The following MANSC1 variants were observed in gnomAD, a reference collection of about 807,000 sequenced individuals.
MANSC1 encodes the protein MANSC domain containing 1.
In MANSC1, 13 loss-of-function variants were observed where a neutral mutation model predicts 14.1. That is an observed-to-expected ratio of 0.92 (90% CI 0.60 to 1.46). The LOEUF (loss-of-function observed/expected upper bound fraction) is 1.46. Among genes scored for constraint, MANSC1 ranks in the 40% most tolerant of loss-of-function variants. MANSC1 has a pLI of 0.00. For synonymous variants in MANSC1, 227 were observed against 200.7 expected, an observed-to-expected ratio of 1.13 and a Z score of -1.11; for missense variants, 486 against 511.4, an observed-to-expected ratio of 0.95 and a Z score of 0.48.
intron 1 of MANSC1, among the ~76,000 whole-genome samples, chr12:12,347,057 G>A (rs1863018330): frequency 6.6e-6 from 1 of 152,132 alleles, no homozygotes; most frequent in South Asian, 2.1e-4. Context: ...CAGTTTCATG[G>A]AAGACAATTT....
rs1862768444 is a variant in MANSC1 at position 12,330,410 on chromosome 12, T to C, written c.913A>G (p.Thr305Ala). 1 of 1,614,102 alleles carries C rather than the reference T, an allele frequency of 6.2e-7. No homozygotes were observed. The highest frequency in any genetic ancestry group is 8.5e-7 in the Non-Finnish European group (1 of 1,180,044). Reference sequence around the variant, plus strand: ...GAGTCCGTAGGTGCCTGAAAGGTGGTAGTCAGAACTGCTGTTGTAGCCATT... The same window carrying C: ...GAGTCCGTAGGTGCCTGAAAGGTGGCAGTCAGAACTGCTGTTGTAGCCATT... ...QAMATTAVLT[T>A]TFQAPTDSKG... is the part of the protein sequence containing the mutation. Residue 305 changes from threonine (T) to alanine (A), a missense_variant, in exon 4 of 4, where the codon ACC becomes GCC. Coordinates refer to ENST00000535902, the MANE Select transcript of MANSC1 (RefSeq NM_018050.4).
intron 1 of MANSC1, among the ~76,000 whole-genome samples, chr12:12,344,967 A>ATT (rs1862991208): frequency 9.8e-6 from 1 of 102,022 alleles, no homozygotes; most frequent in Non-Finnish European, 2.0e-5. Context: ...ATATATATAT[A>ATT]TTACACTAGT....
At chr12:12,343,057 A>G (rs1862958279) in intron 2 of MANSC1, 35 bp downstream of exon 2, 2 of 1,491,508 alleles carry the variant, frequency 1.3e-6, no homozygotes, top group Non-Finnish European at 1.9e-6. Flanking sequence ...CACAAAACAC[A>G]TGGAACAAAG....
intron 1 of MANSC1, among the ~76,000 whole-genome samples, chr12:12,345,268 C>T (rs1056584681): frequency 6.9e-6 from 1 of 145,588 alleles, no homozygotes; most frequent in Non-Finnish European, 1.5e-5. Context: ...TGCAGCAAGC[C>T]ACGATTGCAC....
chr12:12,332,998 T>C (rs185134252), intron 3 of MANSC1, among the ~76,000 whole-genome samples: 59 of 152,154 alleles, frequency 3.9e-4, no homozygotes, highest in African/African-American at 1.3e-3. Flanking sequence ...TAGGATATAG[T>C]ATTCTACTCT....
rs1395941599 is a variant in MANSC1 at position 12,330,090 on chromosome 12, T to A, written c.1233A>T (p.Ser411=). 1 of 1,613,958 alleles carries A rather than the reference T, an allele frequency of 6.2e-7. No individual in the cohort carries two copies. The highest frequency in any genetic ancestry group is 1.7e-5 in the Admixed American group (1 of 59,996). The change falls in exon 4 of 4, where the codon TCA becomes TCT. Residue 411 remains serine, a synonymous_variant. Coordinates refer to ENST00000535902, the MANE Select transcript of MANSC1 (RefSeq NM_018050.4). Reference sequence around the variant, plus strand: ...GTCTTGAGTAACGTTTCCTGCGGAGTGATTCCGAGAGGATTCTACCCAGGA... The same window carrying A: ...GTCTTGAGTAACGTTTCCTGCGGAGAGATTCCGAGAGGATTCTACCCAGGA... ...LVLLGRILSE[S]LRRKRYSRLD...
At chr12:12,331,105 G>T (rs1295802144) in intron 3 of MANSC1, 147 bp from the exon 4 acceptor site, 32 of 591,332 alleles carry the variant, frequency 5.4e-5, no homozygotes, top group Non-Finnish European at 7.6e-5. Context: ...ACTTTGGGAG[G>T]CTAAGGCAGG....
rs1044325893 is a variant in MANSC1 at position 12,328,947 on chromosome 12, C to A, written c.*1080G>T. ...AGCTGGCAGTGAGCCGAGATCGCGC[C>A]ACTGCACTCTAGCCTGGGTGACAGA... is the stretch of plus-strand genomic sequence containing the variant. On this transcript the variant is annotated 3_prime_UTR_variant, in exon 4 of 4. Transcript: ENST00000535902. 1 of 151,500 alleles carries A rather than the reference C, an allele frequency of 6.6e-6. No individual in the cohort carries two copies. The highest frequency in any genetic ancestry group is 1.5e-5 in the Non-Finnish European group (1 of 68,836). The allele number at this position is 151,500 out of a possible 1,614,324, so 9.4% of individuals were successfully genotyped here.
At chr12:12,349,583 TTTAACGTCTGCA>T (rs1414100354) in intron 1 of MANSC1, among the ~76,000 whole-genome samples, 1 of 152,142 alleles carries the variant, frequency 6.6e-6, no homozygotes, top group Non-Finnish European at 1.5e-5. Context: ...GCCCCTGAGT[TTTAACGTCTGCA>T]TACAAGAGTC....
intron 2 of MANSC1, chr12:12,339,209 C>G (rs1466958411): frequency 6.3e-6 from 1 of 158,712 alleles, no homozygotes; most frequent in Non-Finnish European, 1.4e-5. Context: ...CTCTGCTGGC[C>G]CCTGCCCACA....
At chr12:12,339,132 G>A in intron 2 of MANSC1, 1 of 165,484 alleles carries the variant, frequency 6.0e-6, no homozygotes, top group Non-Finnish European at 1.3e-5. Flanking sequence ...CTGTGAAGAG[G>A]CTCTCTGACA....
Position 12,330,971 on chromosome 12 carries a change from G to A in MANSC1, c.365-13C>T, listed in dbSNP as rs770844905. 6.6e-7 allele frequency: 1 copy of A among 1,519,110 alleles called. No individual in the cohort carries two copies. The highest frequency in any genetic ancestry group is 8.9e-7 in the Non-Finnish European group (1 of 1,119,304). 94.1% of individuals were successfully genotyped at this position (1,519,110 alleles called of 1,614,324 possible). On this transcript the variant is annotated splice_polypyrimidine_tract_variant and intron_variant, in intron 3 of 3. Coordinates refer to ENST00000535902, the MANE Select transcript of MANSC1 (RefSeq NM_018050.4). ...AAAGATGGAAAATCTGAAAATGTAT[G>A]GAAAATAAAAGGAAGGCTTATGTAA...
intron 2 of MANSC1, chr12:12,339,177 G>C (rs1862901802): frequency 6.1e-6 from 1 of 163,890 alleles, no homozygotes; most frequent in Non-Finnish European, 1.3e-5. Context: ...GAGCAGGCCT[G>C]ATGGAGAGAA....
chr12:12,333,187 CA>C (rs762963238), intron 3 of MANSC1, among the ~76,000 whole-genome samples: 1 of 152,088 alleles, frequency 6.6e-6, no homozygotes, highest in South Asian at 2.1e-4. Context: ...GCTGGGGCCA[CA>C]ATGCCATGCC....
intron 1 of MANSC1, 125 bp downstream of exon 1, chr12:12,349,953 T>C (rs2136001273): frequency 6.6e-6 from 1 of 152,210 alleles, no homozygotes; most frequent in Non-Finnish European, 1.5e-5. Context: ...CCCCAGCTGG[T>C]CCTTTGGATG....
chr12:12,346,213 GCAA>G (rs1863008230), intron 1 of MANSC1, among the ~76,000 whole-genome samples: 1 of 152,056 alleles, frequency 6.6e-6, no homozygotes, highest in African/African-American at 2.4e-5. Context: ...GGAGCTTGCA[GCAA>G]GCCGAGATTG....
Position 12,329,134 on chromosome 12 carries a change from T to C in MANSC1, c.*893A>G, listed in dbSNP as rs986027552. ...CTAGATTCTCCCAAGTGAAGCTCTT[T>C]GCTCACTGATGGGAAAAAGGGGGGG... On this transcript the variant is annotated 3_prime_UTR_variant, in exon 4 of 4. Transcript: ENST00000535902. 1 of 152,212 alleles carries C rather than the reference T, an allele frequency of 6.6e-6. No homozygotes were observed. The highest frequency in any genetic ancestry group is 1.5e-5 in the Non-Finnish European group (1 of 68,036). 9.4% of individuals were successfully genotyped at this position (152,212 alleles called of 1,614,324 possible).
intron 3 of MANSC1, among the ~76,000 whole-genome samples, chr12:12,332,287 A>AACTGGT (rs1316564153): frequency 6.6e-6 from 1 of 152,086 alleles, no homozygotes; most frequent in Non-Finnish European, 1.5e-5. Flanking sequence ...CCAGTTTCCA[A>AACTGGT]ACTGGTCCTC....
At chr12:12,347,077 C>T (rs774202674) in intron 1 of MANSC1, among the ~76,000 whole-genome samples, 28 of 151,948 alleles carry the variant, frequency 1.8e-4, no homozygotes, top group South Asian at 6.2e-4. Context: ...TTTCCATGGA[C>T]GGCGTTGTGG....
Sources: allele counts gnomAD v4.1 joint callset (sites outside exome capture counted in the v4.1 genomes callset), GRCh38; gene constraint gnomAD v4.1.1; transcripts MANE v1.5; gene names NCBI Gene and HGNC (gene_info 2026-07-23, HGNC 2026-07-21).